The following GRM5 variants were observed in gnomAD, a reference collection of about 807,000 sequenced individuals.
GRM5 encodes the protein metabotropic glutamate receptor 5.
A neutral mutation model predicts 83.1 loss-of-function variants in GRM5; 19 were observed. The observed-to-expected ratio is 0.23, with a 90% CI of 0.16 to 0.34. The LOEUF (loss-of-function observed/expected upper bound fraction) is 0.34. Ranked by LOEUF, GRM5 falls within the 10% of genes least tolerant of loss-of-function variation. The pLI, the probability that GRM5 is intolerant of heterozygous loss-of-function variation, is 1.00. For missense variants in GRM5, 1,160 were observed against 1,588.3 expected (o/e 0.73, Z 4.58); for synonymous variants, 675 against 633.6 (o/e 1.07, Z -0.98).
At chr11:88,605,008 C>G in intron 4 of GRM5, 44 bp from the exon 5 acceptor site, 1 of 1,529,930 alleles carries the variant, frequency 6.5e-7, no homozygotes, top group Non-Finnish European at 9.0e-7. Flanking sequence ...TACAAATCTA[C>G]TCTCGCGACA....
intron 3 of GRM5, among the ~76,000 whole-genome samples, chr11:88,673,137 C>T (rs765201006): frequency 3.9e-5 from 6 of 151,938 alleles, no homozygotes; most frequent in Middle Eastern, 3.4e-3. Flanking sequence ...CTCTTATTTG[C>T]GAATGGATTT....
At chr11:88,538,955 G>A (rs540265274) in intron 8 of GRM5, among the ~76,000 whole-genome samples, 3 of 152,168 alleles carry the variant, frequency 2.0e-5, no homozygotes, top group African/African-American at 4.8e-5. Flanking sequence ...AGGGATACAG[G>A]TAACTGTACT....
chr11:89,044,063 T>C (rs886283682), intron 2 of GRM5, among the ~76,000 whole-genome samples: 6 of 152,182 alleles, frequency 3.9e-5, no homozygotes, highest in African/African-American at 1.4e-4. Flanking sequence ...GCCACACTGC[T>C]AAATGGGCAA....
intron 7 of GRM5, among the ~76,000 whole-genome samples, chr11:88,580,249 GT>G (rs1943193364): frequency 6.6e-6 from 1 of 152,196 alleles, no homozygotes; most frequent in African/African-American, 2.4e-5. Context: ...GAATATTTAA[GT>G]CTGGAGATTA....
chr11:89,038,985 G>A (rs1394826417), intron 2 of GRM5, among the ~76,000 whole-genome samples: 1 of 152,090 alleles, frequency 6.6e-6, no homozygotes, highest in Non-Finnish European at 1.5e-5. Flanking sequence ...AGTATATATG[G>A]TCAGGCGCGG....
At chr11:88,968,211 G>T (rs1242099062) in intron 2 of GRM5, among the ~76,000 whole-genome samples, 2 of 152,248 alleles carry the variant, frequency 1.3e-5, no homozygotes, top group Admixed American at 6.6e-5. Flanking sequence ...AATACAGTAT[G>T]TTACAATTAG....
intron 2 of GRM5, among the ~76,000 whole-genome samples, chr11:88,916,782 C>T (rs921524245): frequency 7.2e-6 from 1 of 138,018 alleles, no homozygotes; most frequent in African/African-American, 2.7e-5. Flanking sequence ...GAAAAGAGAA[C>T]TTTGTCTTGC....
At chr11:88,826,609 G>C (rs1943898421) in intron 3 of GRM5, among the ~76,000 whole-genome samples, 1 of 151,982 alleles carries the variant, frequency 6.6e-6, no homozygotes, top group African/African-American at 2.4e-5. Context: ...ATTGTCACTG[G>C]TGACTGTCAT....
At chr11:89,012,848 T>C (rs934608182) in intron 2 of GRM5, among the ~76,000 whole-genome samples, 9 of 152,226 alleles carry the variant, frequency 5.9e-5, no homozygotes, top group African/African-American at 2.2e-4. Context: ...TTTGAATAGT[T>C]TCCTAAATTC....
intron 2 of GRM5, among the ~76,000 whole-genome samples, chr11:88,987,670 G>A (rs2135038472): frequency 6.6e-6 from 1 of 152,188 alleles, no homozygotes; most frequent in Middle Eastern, 3.4e-3. Flanking sequence ...TCTGAGAATG[G>A]GCAGACTGCC....
chr11:89,027,103 CT>C (rs1007515503), intron 2 of GRM5, among the ~76,000 whole-genome samples: 67 of 146,074 alleles, frequency 4.6e-4, no homozygotes, highest in Admixed American at 6.2e-4. Context: ...TTTTTCTTTT[CT>C]TTTTTTTTTT....
intron 2 of GRM5, among the ~76,000 whole-genome samples, chr11:88,995,531 C>T (rs1380350527): frequency 3.8e-4 from 44 of 116,440 alleles, no homozygotes; most frequent in Admixed American, 1.2e-3. Flanking sequence ...GCAACAAGAG[C>T]GAGACTCCAT....
chr11:88,647,073 G>C (rs748466983), intron 4 of GRM5, among the ~76,000 whole-genome samples: 35 of 152,092 alleles, frequency 2.3e-4, no homozygotes, highest in Middle Eastern at 3.4e-3. Flanking sequence ...TCCCTGGCTT[G>C]CTCCTGCATC....
intron 3 of GRM5, among the ~76,000 whole-genome samples, chr11:88,717,062 T>C (rs960423874): frequency 6.6e-6 from 1 of 151,984 alleles, no homozygotes; most frequent in African/African-American, 2.4e-5. Flanking sequence ...TTATCATGTA[T>C]GTCTATACCT....
chr11:88,709,768 T>A (rs1941242578), intron 3 of GRM5, among the ~76,000 whole-genome samples: 4 of 152,060 alleles, frequency 2.6e-5, no homozygotes, highest in Admixed American at 2.6e-4. Context: ...TGGGGGCAAA[T>A]TTAGCTGAGT....
At chr11:88,553,086 T>C (rs1371392390) in intron 8 of GRM5, among the ~76,000 whole-genome samples, 1 of 152,190 alleles carries the variant, frequency 6.6e-6, no homozygotes, top group Non-Finnish European at 1.5e-5. Context: ...TTTTCTCAAG[T>C]ACCATCGGAC....
At chr11:88,708,840 C>G (rs1941218966) in intron 3 of GRM5, among the ~76,000 whole-genome samples, 1 of 152,058 alleles carries the variant, frequency 6.6e-6, no homozygotes, top group Admixed American at 6.6e-5. Flanking sequence ...CATAATATCT[C>G]TTTTGCTAAT....
chr11:88,708,084 T>C (rs1283046703), intron 3 of GRM5, among the ~76,000 whole-genome samples: 1 of 152,228 alleles, frequency 6.6e-6, no homozygotes, highest in Middle Eastern at 3.4e-3. Flanking sequence ...AAACACTATG[T>C]CACTACTATA....
chr11:88,963,494 C>A (rs477399), intron 2 of GRM5, among the ~76,000 whole-genome samples: 133,994 of 152,140 alleles, frequency 0.88, 61,407 homozygotes, highest in Non-Finnish European at 0.99. Flanking sequence ...AATAAACTTG[C>A]CATCCCTTTT....
Sources: gnomAD v4.1 joint callset for allele counts (sites outside exome capture counted in the v4.1 genomes callset) on GRCh38, gnomAD v4.1.1 for gene constraint, MANE v1.5 for transcripts, NCBI Gene and HGNC (gene_info 2026-07-23, HGNC 2026-07-21) for gene names.